The following ESPL1 variants were observed in gnomAD, a reference collection of about 807,000 sequenced individuals.
ESPL1 encodes extra spindle pole bodies like 1, separase.
In ESPL1, 50 loss-of-function variants were observed where a neutral mutation model predicts 217.2. That is an observed-to-expected ratio of 0.23 (90% CI 0.18 to 0.29). The LOEUF (loss-of-function observed/expected upper bound fraction) is 0.29. Ranked by LOEUF, ESPL1 falls within the 10% of genes least tolerant of loss-of-function variation. The probability of loss-of-function intolerance (pLI) is 1.00; values close to 1 mark genes in which losing one functional copy is unlikely to be tolerated. For synonymous variants in ESPL1, 994 were observed against 1,081.3 expected (o/e 0.92, Z 1.58); for missense variants, 1,834 against 2,603.0 (o/e 0.70, Z 6.43).
intron 11 of ESPL1, 79 bp from the exon 12 acceptor site, chr12:53,279,653 C>A (rs1943828376): frequency 3.2e-6 from 5 of 1,586,066 alleles, no homozygotes; most frequent in Non-Finnish European, 4.3e-6. Context: ...AGTCCAAGGT[C>A]CCAAAGGGCT....
rs1403632272 is a variant in ESPL1, at chr12:53,269,818, G to A, written c.876G>A (p.Gln292=). 7 of 1,614,088 alleles carry A rather than the reference G, an allele frequency of 4.3e-6. No individual in the cohort carries two copies. In the East Asian group the frequency reaches 1.6e-4, roughly 36 times the overall value. ...LRNTNLAPSL[Q]LCQLGVKLLQ... ...ACACCAATCTAGCCCCTAGCCTTCA[G>A]CTATGTCAGCTGGGGGTTAAGCTGC... Residue 292 remains glutamine (Q), a synonymous_variant, in exon 3 of 31, where the codon CAG becomes CAA. Coordinates refer to ENST00000257934, the MANE Select transcript of ESPL1 (RefSeq NM_012291.5). The surrounding 1 kb of genome is among the most constrained non-coding windows in gnomAD (Gnocchi z 6.7).
At chr12:53,281,465 C>G in intron 12 of ESPL1, 42 bp from the exon 13 acceptor site, 1 of 1,603,142 alleles carries the variant, frequency 6.2e-7, no homozygotes, top group Non-Finnish European at 8.5e-7. Context: ...GTTTGAAGAG[C>G]CTGGCTGCCT....
chr12:53,269,840 C>T lies in ESPL1; in HGVS notation c.898C>T (p.Leu300=). ...TCAGCTATGTCAGCTGGGGGTTAAG[C>T]TGCTGCAGGTTGGGGAGGAAGGACC... is the stretch of plus-strand genomic sequence containing the variant. ...SLQLCQLGVK[L]LQVGEEGPQA... is the part of the protein sequence containing the mutation. The change falls in exon 3 of 31, where the codon CTG becomes TTG. Residue 300 remains leucine (L), a synonymous_variant. Coordinates refer to ENST00000257934, the MANE Select transcript of ESPL1 (RefSeq NM_012291.5). The surrounding 1 kb of genome is among the most constrained non-coding windows in gnomAD (Gnocchi z 6.7). 1.2e-6 allele frequency: 2 copies of T among 1,614,228 alleles called. No individual in the cohort carries two copies. Among genetic ancestry groups the T allele is most frequent in the Admixed American group, 1.7e-5 (1 of 60,020 alleles).
At position 53,286,808 on chromosome 12, in the gene ESPL1, C is replaced by A; in HGVS notation, c.4072C>A (p.Pro1358Thr). ...CCCAGACCGGATCAGGCAAGCTGGC[C>A]CTCATGTCCCCTTCACGGTGTTTGA... ...KPPDRIRQAGPHVPFTVFEEV... is the reference protein window; with the variant it reads ...KPPDRIRQAGTHVPFTVFEEV... The change falls in exon 18 of 31, where the codon CCT (proline) becomes ACT (threonine). Residue 1358 changes from proline (P) to threonine (T), a missense_variant. Physicochemically the swap from Pro to Thr is conservative, Grantham distance 38. Coordinates refer to ENST00000257934, the MANE Select transcript of ESPL1 (RefSeq NM_012291.5). This position sits in a 1 kb window ranked among gnomAD's most constrained non-coding sequence, Gnocchi z 5.3. The A allele has an allele frequency of 6.2e-7, 1 of 1,614,144 alleles. No individual in the cohort carries two copies. Among genetic ancestry groups the A allele is most frequent in the South Asian group, 1.1e-5 (1 of 91,084 alleles).
chr12:53,277,419 G>T, intron 9 of ESPL1, 51 bp from the exon 10 acceptor site: 2 of 1,588,796 alleles, frequency 1.3e-6, no homozygotes, highest in South Asian at 1.1e-5. Flanking sequence ...TAGCCAGGAC[G>T]ATAGGCCCAC....
rs752304217 is a variant in ESPL1 at position 53,272,797 on chromosome 12, G to A, written c.1446G>A (p.Pro482=). 52 of 1,613,926 alleles carry A rather than the reference G, an allele frequency of 3.2e-5. No individual in the cohort carries two copies. The East Asian group carries it at 5.1e-4, about 16-fold the overall frequency. ...LYAEACAISE[P]LCQHLGLVKP... is the part of the protein sequence containing the mutation. ...CCGAGGCCTGTGCCATCTCTGAGCC[G>A]CTCTGTCAGCACCTGGGTTTGGTGA... The change falls in exon 6 of 31, where the codon CCG becomes CCA. Residue 482 remains proline (P), a synonymous_variant. Transcript: ENST00000257934.
rs200283132 is a variant in ESPL1, at chr12:53,286,384, A to G, written c.3648A>G (p.Pro1216=). 2.6e-5 allele frequency: 42 copies of G among 1,614,042 alleles called. No homozygotes were observed. Among genetic ancestry groups the G allele is most frequent in the Non-Finnish European group, 4.2e-6 (5 of 1,180,030 alleles). ...ATAAAACACCCCCCTCCTTGGTTCC[A>G]AGCCTCTTGGATGAGATCTTGGCTC... ...LNHKTPPSLV[P]SLLDEILAQA... The change falls in exon 18 of 31, where the codon CCA becomes CCG. Residue 1216 remains proline, a synonymous_variant. Transcript: ENST00000257934. This position sits in a 1 kb window ranked among gnomAD's most constrained non-coding sequence, Gnocchi z 5.3.
intron 5 of ESPL1, among the ~76,000 whole-genome samples, chr12:53,271,388 A>T (rs1470562256): frequency 2.6e-5 from 4 of 151,672 alleles, no homozygotes; most frequent in Non-Finnish European, 1.5e-5. Context: ...TGCCTGGCTA[A>T]TTTTTGTATT....
At chr12:53,273,539 A>C (rs971169676) in intron 6 of ESPL1, among the ~76,000 whole-genome samples, 1 of 149,478 alleles carries the variant, frequency 6.7e-6, no homozygotes, top group Non-Finnish European at 1.5e-5. Flanking sequence ...CAGGTGGATC[A>C]CCTGAGGTCT....
rs148630441 is a variant in ESPL1, at chr12:53,280,575, C to G, written c.2499+709C>G. ...GTAGAGACAGAGTCTCACTATGTTG[C>G]CCAGGCTGGTCTTGAACTCCTGGGC... On this transcript the variant is annotated intron_variant, in intron 12 of 30. Coordinates refer to ENST00000257934, the MANE Select transcript of ESPL1 (RefSeq NM_012291.5). Among the ~76,000 whole-genome samples, 723 of 152,200 alleles carry G rather than the reference C, an allele frequency of 4.8e-3. 3 individuals carry two copies. Among genetic ancestry groups the G allele is most frequent in the African/African-American group, 0.016 (681 of 41,536 alleles).
At chr12:53,273,675 C>G (rs978077767) in intron 6 of ESPL1, among the ~76,000 whole-genome samples, 6 of 150,552 alleles carry the variant, frequency 4.0e-5, no homozygotes, top group Non-Finnish European at 8.9e-5. Context: ...AGGAGAATTG[C>G]CTGAACCCAG....
At chr12:53,275,309 A>G (rs1227207553) in intron 7 of ESPL1, among the ~76,000 whole-genome samples, 1 of 152,134 alleles carries the variant, frequency 6.6e-6, no homozygotes, top group Non-Finnish European at 1.5e-5. Context: ...AAAAATACAA[A>G]AATTAGCTGG....
chr12:53,291,804 C>T lies in ESPL1; in HGVS notation c.5635C>T (p.Arg1879Cys), dbSNP rs1381773333. Reference sequence around the variant, plus strand: ...GGAGCTCCTGAATGAGGCAGTAGGACGTCTACAGGGCCTGACAGTACCAAG... The same window carrying T: ...GGAGCTCCTGAATGAGGCAGTAGGATGTCTACAGGGCCTGACAGTACCAAG... ...AQELLNEAVG[R>C]LQGLTVPSNS... is the part of the protein sequence containing the mutation. The change falls in exon 26 of 31, where the codon CGT becomes TGT. Residue 1879 changes from arginine (R) to cysteine (C), a missense_variant. Arg to Cys is a radical substitution (Grantham distance 180). Coordinates refer to ENST00000257934, the MANE Select transcript of ESPL1 (RefSeq NM_012291.5). 4 of 1,606,616 alleles carry T rather than the reference C, an allele frequency of 2.5e-6. No individual in the cohort carries two copies. Among genetic ancestry groups the T allele is most frequent in the Non-Finnish European group, 2.5e-6 (3 of 1,176,896 alleles).
rs563277530 is a variant in ESPL1 at position 53,284,100 on chromosome 12, C to T, written c.3120C>T (p.Ala1040=). 1 of 1,614,088 alleles carries T rather than the reference C, an allele frequency of 6.2e-7. No individual in the cohort carries two copies. Among genetic ancestry groups the T allele is most frequent in the Non-Finnish European group, 8.5e-7 (1 of 1,179,972 alleles). ...FLVLKGELEL[A]RNDIDLCQSD... ...TGCTGAAGGGCGAGCTGGAGCTGGC[C>T]CGCAATGACATTGATCTCTGTCAGT... The change falls in exon 17 of 31, where the codon GCC becomes GCT. Residue 1040 remains alanine, a synonymous_variant. Transcript: ENST00000257934.
In ESPL1 at chr12:53,271,172, G is replaced by GGTTTTTTTT. The variant is rs371461220; in HGVS notation, c.1369+374_1369+375insGTTTTTTTT. 4.2e-5 allele frequency among the ~76,000 whole-genome samples: 5 copies of GGTTTTTTTT among 117,754 alleles called. 2 individuals carry two copies. 77.3% of individuals were successfully genotyped at this position (117,754 alleles called of 152,430 possible). On this transcript the variant is annotated intron_variant, in intron 5 of 30. Transcript: ENST00000257934. ...AAATGACCTTTCTGTATATTTAAGT[G>GGTTTTTTTT]TTTTTTTTTTTTTTTTTTTGAGACA...
At chr12:53,291,073 C>T in intron 25 of ESPL1, 77 bp downstream of exon 25, 1 of 1,298,040 alleles carries the variant, frequency 7.7e-7, no homozygotes, top group African/African-American at 1.5e-5. Context: ...GAGGCCAAGG[C>T]AGATGGATTG....
At position 53,276,682 on chromosome 12, in the gene ESPL1, A is replaced by T; in HGVS notation, c.1763A>T (p.Glu588Val). The T allele has an allele frequency of 1.2e-6, 2 of 1,613,252 alleles. No individual in the cohort carries two copies. Among genetic ancestry groups the T allele is most frequent in the Non-Finnish European group, 1.7e-6 (2 of 1,179,960 alleles). The change falls in exon 8 of 31, where the codon GAG becomes GTG. Residue 588 changes from glutamate (E) to valine (V), a missense_variant. Glu to Val is a moderately radical substitution (Grantham distance 121). Transcript: ENST00000257934. ...ACCCTGGCCCTCCTGCTGAGGGAGG[A>T]GCTGCAGGCCTACAAGGCGGTGCGG... Reference protein sequence around the residue: ...PETLALLLREELQAYKAVRAD... With the variant: ...PETLALLLREVLQAYKAVRAD...
intron 24 of ESPL1, 87 bp from the exon 25 acceptor site, chr12:53,290,754 C>A: frequency 7.3e-6 from 2 of 274,834 alleles, no homozygotes; most frequent in Non-Finnish European, 8.9e-6. Context: ...CATTGGAAAA[C>A]GCATTTTCTC....
At chr12:53,272,629 A>G in intron 5 of ESPL1, 92 bp from the exon 6 acceptor site, 1 of 1,456,680 alleles carries the variant, frequency 6.9e-7, no homozygotes, top group East Asian at 2.3e-5. Context: ...TGCTGAACTG[A>G]CCACAGATCC....
Sources: gnomAD v4.1 joint callset for allele counts (sites outside exome capture counted in the v4.1 genomes callset) on GRCh38, gnomAD v4.1.1 for gene constraint, Gnocchi (gnomAD v3.1) non-coding constraint, MANE v1.5 for transcripts, NCBI Gene and HGNC (gene_info 2026-07-23, HGNC 2026-07-21) for gene names.